The following ATG10 variants were observed in gnomAD, a reference collection of about 807,000 sequenced individuals.
The protein encoded by ATG10 is ubiquitin-like-conjugating enzyme ATG10.
Under a neutral mutation model 32.1 loss-of-function variants are expected in ATG10, and 30 were observed. The observed-to-expected ratio is 0.94, with a 90% CI of 0.70 to 1.27. The LOEUF is 1.27. Among genes scored for constraint, ATG10 ranks in the 50% most tolerant of loss-of-function variants. The pLI is 0.00. For missense variants in ATG10, 233 were observed against 262.3 expected (o/e 0.89, Z 0.77); for synonymous variants, 87 against 91.5 (o/e 0.95, Z 0.28).
At chr5:82,251,521 A>G (rs1009520361) in intron 5 of ATG10, among the ~76,000 whole-genome samples, 1 of 152,172 alleles carries the variant, frequency 6.6e-6, no homozygotes, top group Non-Finnish European at 1.5e-5. Context: ...GCATTCCCAC[A>G]TGGGACAGTT....
At chr5:81,987,739 G>C in intron 2 of ATG10, 61 bp downstream of exon 2, 2 of 1,364,784 alleles carry the variant, frequency 1.5e-6, no homozygotes, top group Admixed American at 2.0e-5. Flanking sequence ...GTTTTGTTTT[G>C]GTTTGTTGAC....
intron 5 of ATG10, among the ~76,000 whole-genome samples, chr5:82,237,512 C>T (rs1294665618): frequency 1.3e-5 from 2 of 151,966 alleles, no homozygotes; most frequent in African/African-American, 2.4e-5. Context: ...GACATGGTGG[C>T]GTGCACCTCT....
chr5:82,202,690 C>G (rs777518411), intron 5 of ATG10, among the ~76,000 whole-genome samples: 25 of 152,174 alleles, frequency 1.6e-4, no homozygotes, highest in Non-Finnish European at 3.1e-4. Flanking sequence ...ATCTGCTGTT[C>G]CATGTAGTTC....
At chr5:82,252,834 T>C (rs1560207) in intron 6 of ATG10, 175 bp downstream of exon 6, 101,501 of 537,000 alleles carry the variant, frequency 0.19, 13,464 homozygotes, top group African/African-American at 0.54. Context: ...CAGTAAGACA[T>C]TGGATTTTTG....
At chr5:82,080,927 C>T (rs1453960817) in intron 3 of ATG10, among the ~76,000 whole-genome samples, 1 of 152,158 alleles carries the variant, frequency 6.6e-6, no homozygotes, top group Non-Finnish European at 1.5e-5. Context: ...ATGGGGATGG[C>T]ACTGAATCTA....
chr5:82,041,764 T>A (rs968214385), intron 2 of ATG10, among the ~76,000 whole-genome samples: 1 of 152,158 alleles, frequency 6.6e-6, no homozygotes, highest in South Asian at 2.1e-4. Context: ...TTAGGCCACT[T>A]ATGTCTCACA....
In ATG10 at chr5:82,116,428, T is replaced by C. The variant is rs543144966; in HGVS notation, c.217-47971T>C. 4.6e-5 allele frequency among the ~76,000 whole-genome samples: 7 copies of C among 152,250 alleles called. No individual in the cohort carries two copies. In the South Asian group the frequency reaches 1.4e-3, roughly 32 times the overall value. ...ATGTATGAAACACAATTTTGAATTA[T>C]ATTTACACTTAAGTTTCTAGTCTCA... On this transcript the variant is annotated intron_variant, in intron 3 of 7. Coordinates refer to ENST00000282185, the MANE Select transcript of ATG10 (RefSeq NM_031482.5).
chr5:82,014,775 C>A (rs1353887086), intron 2 of ATG10, among the ~76,000 whole-genome samples: 2 of 151,900 alleles, frequency 1.3e-5, no homozygotes, highest in Non-Finnish European at 2.9e-5. Flanking sequence ...GGCCTTGACT[C>A]TATCCAATTT....
chr5:82,203,315 C>T (rs1369543298), intron 5 of ATG10, among the ~76,000 whole-genome samples: 4 of 151,880 alleles, frequency 2.6e-5, no homozygotes, highest in Admixed American at 1.3e-4. Context: ...TGGTTGTTTA[C>T]CCTCCCTGCA....
intron 2 of ATG10, among the ~76,000 whole-genome samples, chr5:82,042,058 C>A (rs748137192): frequency 6.6e-6 from 1 of 152,044 alleles, no homozygotes; most frequent in East Asian, 1.9e-4. Context: ...ATGTCCTGGT[C>A]TGTATTAGTC....
chr5:82,103,606 A>C (rs1765350811), intron 3 of ATG10, among the ~76,000 whole-genome samples: 1 of 151,740 alleles, frequency 6.6e-6, no homozygotes, highest in South Asian at 2.1e-4. Flanking sequence ...CTCAGTTATG[A>C]ATGTATGCCT....
Position 82,256,132 on chromosome 5 carries a change from C to G in ATG10, c.*2069C>G, listed in dbSNP as rs1189499684. ...TGTAAAATAAATTATAATAATGTGT[C>G]ATCTGAATGGTGTTCTTGTCTGCAA... On this transcript the variant is annotated 3_prime_UTR_variant, in exon 8 of 8. Transcript: ENST00000282185. The G allele has an allele frequency of 6.6e-6, 1 of 152,174 alleles. No individual in the cohort carries two copies. The highest frequency in any genetic ancestry group is 2.4e-5 in the African/African-American group (1 of 41,428). 9.4% of individuals were successfully genotyped at this position (152,174 alleles called of 1,614,324 possible).
chr5:82,190,742 C>T (rs1253925118), intron 5 of ATG10, among the ~76,000 whole-genome samples: 1 of 129,498 alleles, frequency 7.7e-6, no homozygotes, highest in African/African-American at 2.9e-5. Flanking sequence ...CCACTGCACT[C>T]CAGCCTGGGC....
At chr5:82,027,616 A>G (rs1481012984) in intron 2 of ATG10, among the ~76,000 whole-genome samples, 1 of 152,198 alleles carries the variant, frequency 6.6e-6, no homozygotes, top group African/African-American at 2.4e-5. Flanking sequence ...GAAAAAGCCT[A>G]TAGTCCCCAT....
Position 82,178,602 on chromosome 5 carries a change from T to TCATTTTATTGTATG in ATG10, c.453+19_453+32dup. On this transcript the variant is annotated intron_variant, in intron 5 of 7. Transcript: ENST00000282185. Reference sequence around the variant, plus strand: ...TTACGCAACAGGTTGGAGAGTATTGTCATTTTATTGTATGCATGTTATTGT... The same window carrying TCATTTTATTGTATG: ...TTACGCAACAGGTTGGAGAGTATTGTCATTTTATTGTATGCATTTTATTGTATGCATGTTATTGT... 1 of 1,534,402 alleles carries TCATTTTATTGTATG rather than the reference T, an allele frequency of 6.5e-7. No individual in the cohort carries two copies. Among genetic ancestry groups the TCATTTTATTGTATG allele is most frequent in the East Asian group, 2.2e-5 (1 of 44,486 alleles).
At chr5:82,157,791 C>G (rs982760724) in intron 3 of ATG10, among the ~76,000 whole-genome samples, 1 of 152,124 alleles carries the variant, frequency 6.6e-6, no homozygotes, top group South Asian at 2.1e-4. Context: ...GTTTCTGTGT[C>G]CAGTCTTCAG....
At chr5:82,003,596 G>C (rs1162427817) in intron 2 of ATG10, among the ~76,000 whole-genome samples, 1 of 152,170 alleles carries the variant, frequency 6.6e-6, no homozygotes, top group Non-Finnish European at 1.5e-5. Flanking sequence ...GTAATTGTTT[G>C]AAACACATGT....
chr5:82,234,528 G>GC (rs1746486615), intron 5 of ATG10, among the ~76,000 whole-genome samples: 1 of 152,198 alleles, frequency 6.6e-6, no homozygotes, highest in South Asian at 2.1e-4. Flanking sequence ...AGAGAGACAT[G>GC]CTAGAAATTG....
chr5:82,204,851 C>T (rs914553871), intron 5 of ATG10, among the ~76,000 whole-genome samples: 1 of 152,044 alleles, frequency 6.6e-6, no homozygotes, highest in Admixed American at 6.6e-5. Flanking sequence ...GTCTCTGAAC[C>T]TCATGAGACA....
Sources: gnomAD v4.1 joint callset for allele counts (sites outside exome capture counted in the v4.1 genomes callset) on GRCh38, gnomAD v4.1.1 for gene constraint, MANE v1.5 for transcripts, NCBI Gene and HGNC (gene_info 2026-07-23, HGNC 2026-07-21) for gene names.